Variants in TSNARE1 observed in about 807,000 individuals in gnomAD.
TSNARE1 encodes t-SNARE domain containing 1.
A neutral mutation model predicts 62.0 loss-of-function variants in TSNARE1; 49 were observed. The observed-to-expected ratio is 0.79, with a 90% CI of 0.63 to 1.00. The LOEUF is 1.00. TSNARE1 is among the 50% of genes least tolerant of loss of function. The pLI, the probability that TSNARE1 is intolerant of heterozygous loss-of-function variation, is 0.00. For synonymous variants in TSNARE1, 328 were observed against 294.4 expected, an observed-to-expected ratio of 1.11 and a Z score of -1.17; for missense variants, 755 against 700.1, an observed-to-expected ratio of 1.08 and a Z score of -0.88.
intron 1 of TSNARE1, among the ~76,000 whole-genome samples, chr8:142,367,206 C>G (rs1180227311): frequency 6.6e-6 from 1 of 152,128 alleles, no homozygotes; most frequent in Non-Finnish European, 1.5e-5. Flanking sequence ...ATAAAAATAC[C>G]ATCATGCGTT....
intron 1 of TSNARE1, among the ~76,000 whole-genome samples, chr8:142,379,565 A>T (rs1374733973): frequency 6.6e-6 from 1 of 152,164 alleles, no homozygotes; most frequent in Non-Finnish European, 1.5e-5. Flanking sequence ...TTCGTTTCCT[A>T]ATTCAGTTTT....
At position 142,271,378 on chromosome 8, in the gene TSNARE1, G is replaced by A. The variant is rs1819521681; in HGVS notation, c.1446+3403C>T. On this transcript the variant is annotated intron_variant, in intron 12 of 13. Transcript: ENST00000524325. ...GTGTGCTCTGCTGCTGGGCCCAGGA[G>A]GACAGCAGGGCGCCCTGCTGCCGGT... The A allele has an allele frequency of 4.1e-6, 5 of 1,225,046 alleles. No homozygotes were observed. In the South Asian group the frequency reaches 1.1e-4, roughly 27 times the overall value. 75.9% of individuals were successfully genotyped at this position (1,225,046 alleles called of 1,614,324 possible). A position where few individuals can be genotyped will look rare whatever the true frequency, so the allele number is the denominator to read the frequency against.
At chr8:142,375,794 G>C (rs1836285451) in intron 1 of TSNARE1, among the ~76,000 whole-genome samples, 2 of 152,338 alleles carry the variant, frequency 1.3e-5, no homozygotes, top group South Asian at 4.1e-4. Context: ...CTTCCTAGCA[G>C]CAAGAGCCTG....
intron 7 of TSNARE1, among the ~76,000 whole-genome samples, chr8:142,315,444 A>G (rs1828382489): frequency 6.6e-6 from 1 of 152,242 alleles, no homozygotes; most frequent in Admixed American, 6.5e-5. Context: ...CTGTGGTCAC[A>G]TAGGTGGTGG....
intron 11 of TSNARE1, among the ~76,000 whole-genome samples, chr8:142,283,466 G>A (rs1337939528): frequency 6.7e-6 from 1 of 150,076 alleles, no homozygotes; most frequent in Non-Finnish European, 1.5e-5. Context: ...CAGTGTCAAT[G>A]AACAGAGGCG....
In TSNARE1 at chr8:142,291,191, T is replaced by G. The variant is rs75135181; in HGVS notation, c.1291-6706A>C. ...CTGGCTCTGGACCTGCGGGTGGCCT[T>G]GGAGACAAATCCCACCACCCTCATC... On this transcript the variant is annotated intron_variant, in intron 10 of 13. Coordinates refer to ENST00000524325, the MANE Select transcript of TSNARE1 (RefSeq NM_145003.5). The surrounding 1 kb of genome is among the most constrained non-coding windows in gnomAD (Gnocchi z 4.8). Among the ~76,000 whole-genome samples the G allele has an allele frequency of 0.019, 2,958 of 151,968 alleles. 34 individuals carry two copies. Among genetic ancestry groups the G allele is most frequent in the East Asian group, 0.039 (200 of 5,106 alleles).
Position 142,293,441 on chromosome 8 carries a change from C to T in TSNARE1, c.1290+7045G>A, listed in dbSNP as rs1177862479. ...GAGTTCTCGCCAGGCAGTTACACTCCACCGTGGCACTTTCACCCTGAGGCC... is the reference window on the plus strand; with the variant it reads ...GAGTTCTCGCCAGGCAGTTACACTCTACCGTGGCACTTTCACCCTGAGGCC... On this transcript the variant is annotated intron_variant, in intron 10 of 13. Coordinates refer to ENST00000524325, the MANE Select transcript of TSNARE1 (RefSeq NM_145003.5). Among the ~76,000 whole-genome samples, 5 of 152,358 alleles carry T rather than the reference C, an allele frequency of 3.3e-5. No individual in the cohort carries two copies. In the East Asian group the frequency reaches 9.7e-4, roughly 29 times the overall value.
chr8:142,222,952 CCACTCACTCACTCATT>C (rs1226056698), intron 13 of TSNARE1, among the ~76,000 whole-genome samples: 7 of 138,674 alleles, frequency 5.0e-5, no homozygotes, highest in Non-Finnish European at 9.3e-5. Flanking sequence ...ACTCACTCAT[CCACTCACTCACTCATT>C]CACTCACTCA....
intron 12 of TSNARE1, among the ~76,000 whole-genome samples, chr8:142,262,628 C>T (rs1389965551): frequency 2.6e-5 from 4 of 152,144 alleles, no homozygotes; most frequent in Middle Eastern, 3.4e-3. Flanking sequence ...GCTGTCATGG[C>T]GATAGTGAGT....
chr8:142,367,515 C>T (rs1166716588), intron 1 of TSNARE1, among the ~76,000 whole-genome samples: 2 of 17,062 alleles, frequency 1.2e-4, no homozygotes, highest in African/African-American at 4.9e-4. Flanking sequence ...AGATGGACGC[C>T]GGGGCGGGGG....
chr8:142,231,712 G>A (rs1409749675), intron 12 of TSNARE1, among the ~76,000 whole-genome samples: 1 of 152,148 alleles, frequency 6.6e-6, no homozygotes, highest in Admixed American at 6.5e-5. Context: ...ACGGCACAGA[G>A]GTGGGTCCCA....
chr8:142,356,253 G>A (rs918094445), intron 1 of TSNARE1, among the ~76,000 whole-genome samples: 2 of 152,172 alleles, frequency 1.3e-5, no homozygotes, highest in African/African-American at 4.8e-5. Flanking sequence ...CCGGCCCCAC[G>A]CAGAGAGGCA....
intron 4 of TSNARE1, among the ~76,000 whole-genome samples, chr8:142,336,282 C>CAAA (rs749299318): frequency 3.4e-3 from 86 of 25,104 alleles, no homozygotes; most frequent in East Asian, 9.1e-3. Context: ...GACCCTGTCT[C>CAAA]AAAAAAAAAA....
intron 12 of TSNARE1, chr8:142,270,316 T>C (rs1297572613): frequency 2.0e-6 from 2 of 985,256 alleles, no homozygotes; most frequent in African/African-American, 3.5e-5. Context: ...AAAGCAGCGG[T>C]GCCTGCCACG....
In TSNARE1 at chr8:142,320,633, C is replaced by T. The variant is rs1049717449; in HGVS notation, c.894-1999G>A. ...GAGTCTCTGCTGCTCCTGAATGAGC[C>T]GGACAAATCCCTGCCTTAACACTTT... On this transcript the variant is annotated intron_variant, in intron 6 of 13. Coordinates refer to ENST00000524325, the MANE Select transcript of TSNARE1 (RefSeq NM_145003.5). 1.6e-4 allele frequency among the ~76,000 whole-genome samples: 24 copies of T among 152,306 alleles called. No homozygotes were observed. In the East Asian group the frequency reaches 3.5e-3, roughly 22 times the overall value.
intron 1 of TSNARE1, among the ~76,000 whole-genome samples, chr8:142,376,181 C>A (rs530536010): frequency 6.6e-6 from 1 of 152,180 alleles, no homozygotes; most frequent in African/African-American, 2.4e-5. Flanking sequence ...AATTTGCACC[C>A]CGCAGGGCTA....
chr8:142,360,397 C>T (rs1010247440), intron 1 of TSNARE1, among the ~76,000 whole-genome samples: 13 of 152,186 alleles, frequency 8.5e-5, no homozygotes, highest in African/African-American at 3.1e-4. Flanking sequence ...CATTCGCAGC[C>T]CCGCTGAGCG....
Position 142,302,386 on chromosome 8 carries a change from G to T in TSNARE1, c.1132-1742C>A, listed in dbSNP as rs542186198. ...CGTCTGGACAGGAGGATCTGACAGAGGTGGGGGCTGTGCCGGTCCCGATGC... is the reference window on the plus strand; with the variant it reads ...CGTCTGGACAGGAGGATCTGACAGATGTGGGGGCTGTGCCGGTCCCGATGC... On this transcript the variant is annotated intron_variant, in intron 9 of 13. Transcript: ENST00000524325. 2.9e-4 allele frequency among the ~76,000 whole-genome samples: 44 copies of T among 152,324 alleles called. No homozygotes were observed. In the East Asian group the frequency reaches 7.3e-3, roughly 25 times the overall value.
rs1260528506 is a variant in TSNARE1 at position 142,403,058 on chromosome 8, C to T, written c.-40+46G>A. 2.7e-5 allele frequency: 4 copies of T among 148,456 alleles called. No individual in the cohort carries two copies. In the Admixed American group the frequency reaches 2.7e-4, roughly 10 times the overall value. The allele number at this position is 148,456 out of a possible 1,614,324, so 9.2% of individuals were successfully genotyped here. Reference sequence around the variant, plus strand: ...CCCGGCCGCCTCGCCCTCGCCGCCCCACGCCCGGCCCCGGCCAGGCCCCAG... The same window carrying T: ...CCCGGCCGCCTCGCCCTCGCCGCCCTACGCCCGGCCCCGGCCAGGCCCCAG... On this transcript the variant is annotated intron_variant, in intron 1 of 13. Coordinates refer to ENST00000524325, the MANE Select transcript of TSNARE1 (RefSeq NM_145003.5).
Sources: gnomAD v4.1 joint callset for allele counts (sites outside exome capture counted in the v4.1 genomes callset) on GRCh38, gnomAD v4.1.1 for gene constraint, Gnocchi (gnomAD v3.1) non-coding constraint, MANE v1.5 for transcripts, NCBI Gene and HGNC (gene_info 2026-07-23, HGNC 2026-07-21) for gene names.